The following STX3 variants were observed in gnomAD, a reference collection of about 807,000 sequenced individuals.
The protein encoded by STX3 is syntaxin-3.
In STX3, 19 loss-of-function variants were observed where a neutral mutation model predicts 40.2. That is an observed-to-expected ratio of 0.47 (90% CI 0.33 to 0.69). The LOEUF (loss-of-function observed/expected upper bound fraction) is 0.69. STX3 is among the 30% of genes least tolerant of loss of function. The probability of loss-of-function intolerance (pLI) is 0.02; values close to 1 mark genes in which losing one functional copy is unlikely to be tolerated. For missense variants in STX3, 364 were observed against 366.7 expected (o/e 0.99, Z 0.06); for synonymous variants, 122 against 132.2 (o/e 0.92, Z 0.53).
At chr11:59,782,054 A>G (rs1029603718) in intron 2 of STX3, among the ~76,000 whole-genome samples, 3 of 152,210 alleles carry the variant, frequency 2.0e-5, no homozygotes, top group Non-Finnish European at 1.5e-5. Context: ...TTAGCCTTCC[A>G]TCTTACCCCA....
upstream of STX3, chr11:59,755,368 C>T: frequency 8.8e-6 from 3 of 339,598 alleles, no homozygotes; most frequent in South Asian, 1.4e-4. Flanking sequence ...GGCGCCGGCC[C>T]GGGAGCCGGA....
chr11:59,756,728 C>G (rs1408718129), intron 1 of STX3, among the ~76,000 whole-genome samples: 1 of 152,132 alleles, frequency 6.6e-6, no homozygotes, highest in Non-Finnish European at 1.5e-5. Context: ...CCTTAAAATC[C>G]CAGCCTAAGT....
intron 2 of STX3, among the ~76,000 whole-genome samples, chr11:59,773,977 C>CAAAAAA (rs5792160): frequency 8.6e-5 from 7 of 81,244 alleles, no homozygotes; most frequent in Non-Finnish European, 1.6e-4. Context: ...CTCACACACA[C>CAAAAAA]AAAAAAAAAA....
chr11:59,788,843 A>G (rs764576496), intron 3 of STX3, 30 bp from the exon 4 acceptor site: 2 of 1,597,904 alleles, frequency 1.3e-6, no homozygotes, highest in Admixed American at 1.7e-5. Context: ...TCTCCTTTCT[A>G]ACGGATTCTG....
At chr11:59,794,291 T>C (rs146089217) in intron 8 of STX3, among the ~76,000 whole-genome samples, 123 of 152,320 alleles carry the variant, frequency 8.1e-4, no homozygotes, top group Non-Finnish European at 1.6e-3. Flanking sequence ...TAGTTTCGCA[T>C]AGTTAGATGG....
intron 1 of STX3, among the ~76,000 whole-genome samples, chr11:59,762,717 G>A (rs568572545): frequency 1.3e-5 from 2 of 152,276 alleles, no homozygotes; most frequent in Admixed American, 6.5e-5. Context: ...GGAAGGGAGT[G>A]GAAGAGAGGG....
At chr11:59,760,294 C>A (rs1862962363) in intron 1 of STX3, among the ~76,000 whole-genome samples, 1 of 152,130 alleles carries the variant, frequency 6.6e-6, no homozygotes, top group South Asian at 2.1e-4. Context: ...AAAATTTCTA[C>A]CCATCTTCCA....
chr11:59,786,857 A>G (rs983535339), intron 2 of STX3, among the ~76,000 whole-genome samples, 180 bp from the exon 3 acceptor site: 11 of 152,140 alleles, frequency 7.2e-5, no homozygotes, highest in Non-Finnish European at 1.6e-4. Flanking sequence ...TTCTGTTGAG[A>G]TTACTTTATC....
chr11:59,788,324 C>A (rs1171480271), intron 3 of STX3, among the ~76,000 whole-genome samples: 1 of 152,194 alleles, frequency 6.6e-6, no homozygotes, highest in African/African-American at 2.4e-5. Context: ...AAATCTAGAT[C>A]TTCTTTCTGA....
intron 2 of STX3, among the ~76,000 whole-genome samples, chr11:59,782,556 G>A (rs1224051563): frequency 6.6e-6 from 1 of 152,126 alleles, no homozygotes; most frequent in Non-Finnish European, 1.5e-5. Flanking sequence ...GAGAGAACTG[G>A]TGCTTAGGGA....
At chr11:59,782,516 G>T (rs1420852046) in intron 2 of STX3, among the ~76,000 whole-genome samples, 1 of 152,188 alleles carries the variant, frequency 6.6e-6, no homozygotes, top group African/African-American at 2.4e-5. Flanking sequence ...ACTCTAAAGT[G>T]GGAGTTGTGA....
intron 1 of STX3, among the ~76,000 whole-genome samples, chr11:59,772,656 G>T (rs1332605010): frequency 6.6e-6 from 1 of 152,160 alleles, no homozygotes; most frequent in Non-Finnish European, 1.5e-5. Flanking sequence ...AGATAAGTTT[G>T]ATTCTACCTG....
At chr11:59,787,346 A>G (rs902567859) in intron 3 of STX3, among the ~76,000 whole-genome samples, 2 of 151,986 alleles carry the variant, frequency 1.3e-5, no homozygotes, top group African/African-American at 4.8e-5. Context: ...TCCCACTCCA[A>G]CCATTTAGCT....
chr11:59,767,133 G>T (rs1863319905), intron 1 of STX3, among the ~76,000 whole-genome samples: 1 of 152,148 alleles, frequency 6.6e-6, no homozygotes, highest in South Asian at 2.1e-4. Flanking sequence ...TCTACTTTCT[G>T]TCCAGAGAGG....
upstream of STX3, chr11:59,754,747 C>A (rs1036101009): frequency 6.6e-6 from 1 of 152,186 alleles, no homozygotes; most frequent in African/African-American, 2.4e-5. Flanking sequence ...CTTTCCCAAA[C>A]GTCTGCAAAT....
At chr11:59,755,267 C>A (rs1590734063), upstream of STX3, 1 of 204,002 alleles carries the variant, frequency 4.9e-6, no homozygotes, top group Non-Finnish European at 9.7e-6. Context: ...ACGCCCCGGG[C>A]GGCCGGGCGG....
intron 9 of STX3, 110 bp from the exon 10 acceptor site, chr11:59,797,173 C>T (rs1865569680): frequency 1.3e-6 from 1 of 751,448 alleles, no homozygotes; most frequent in Non-Finnish European, 2.3e-6. Flanking sequence ...CTTACTCAGA[C>T]TGGTAAGATA....
chr11:59,779,195 A>C (rs1864192419), intron 2 of STX3, among the ~76,000 whole-genome samples: 1 of 152,142 alleles, frequency 6.6e-6, no homozygotes, highest in Non-Finnish European at 1.5e-5. Context: ...AGTACCGTAG[A>C]CTGAATGGCT....
intron 1 of STX3, among the ~76,000 whole-genome samples, chr11:59,755,880 G>A (rs578084292): frequency 7.0e-4 from 106 of 152,288 alleles, no homozygotes; most frequent in Non-Finnish European, 1.4e-3. Context: ...CCCGCAAGCT[G>A]GACAGTGTCT....
Sources: allele counts gnomAD v4.1 joint callset (sites outside exome capture counted in the v4.1 genomes callset), GRCh38; gene constraint gnomAD v4.1.1; transcripts MANE v1.5; gene names NCBI Gene and HGNC (gene_info 2026-07-23, HGNC 2026-07-21).